The following PEAK1 variants were observed in gnomAD, a reference collection of about 807,000 sequenced individuals.
The protein encoded by PEAK1 is inactive tyrosine-protein kinase PEAK1.
PEAK1 carries 54 observed loss-of-function variants against 124.7 expected under a neutral mutation model. The ratio of observed to expected loss-of-function variants is 0.43; its 90% CI spans 0.35 to 0.54. The LOEUF is 0.54. Among genes scored for constraint, PEAK1 ranks in the 20% least tolerant of loss-of-function variants. The pLI is 0.01. For missense variants in PEAK1, 2,046 were observed against 2,134.5 expected (o/e 0.96, Z 0.82); for synonymous variants, 719 against 760.0 (o/e 0.95, Z 0.89).
chr15:77,350,989 T>C (rs751210289), intron 2 of PEAK1: 103 of 962,268 alleles, frequency 1.1e-4, no homozygotes, highest in Middle Eastern at 5.3e-4. Context: ...TTAAGCACTA[T>C]TGTGTACTAG....
chr15:77,106,415 G>A (rs2050752562), downstream of PEAK1: 1 of 152,160 alleles, frequency 6.6e-6, no homozygotes, highest in African/African-American at 2.4e-5. Flanking sequence ...CCAGGCTGCA[G>A]TGCAGTGGAG....
intron 1 of PEAK1, among the ~76,000 whole-genome samples, chr15:77,407,958 T>TATATACACATATATACACAC: frequency 1.2e-5 from 1 of 83,442 alleles, no homozygotes; most frequent in Non-Finnish European, 3.6e-5. Context: ...TATACACACA[T>TATATACACATATATACACAC]ATATACACAT....
chr15:77,217,200 G>A (rs1007596445), intron 6 of PEAK1, among the ~76,000 whole-genome samples: 1 of 144,544 alleles, frequency 6.9e-6, no homozygotes, highest in African/African-American at 2.6e-5. Flanking sequence ...TCCAGCCTGG[G>A]TGACCAAGAG....
chr15:77,222,852 A>G (rs1345689136), intron 6 of PEAK1, among the ~76,000 whole-genome samples: 1 of 152,068 alleles, frequency 6.6e-6, no homozygotes, highest in African/African-American at 2.4e-5. Context: ...GCGCAAACAG[A>G]TTTAATCTTA....
chr15:77,419,516 C>A (rs923386339), intron 1 of PEAK1: 2 of 985,138 alleles, frequency 2.0e-6, no homozygotes, highest in African/African-American at 3.5e-5. Context: ...TCCGTCCCGA[C>A]GCTGCCGGCG....
At chr15:77,418,336 TAA>T in intron 1 of PEAK1, 1 of 985,144 alleles carries the variant, frequency 1.0e-6, no homozygotes, top group South Asian at 4.7e-5. Flanking sequence ...TTAAAGAAAA[TAA>T]TTTGACATTT....
intron 2 of PEAK1, among the ~76,000 whole-genome samples, chr15:77,326,161 T>A (rs1298746114): frequency 5.3e-5 from 8 of 152,126 alleles, no homozygotes. Flanking sequence ...AACAATTAAC[T>A]TCCCCCTCCT....
chr15:77,419,447 C>T, intron 1 of PEAK1: 1 of 985,390 alleles, frequency 1.0e-6, no homozygotes, highest in Non-Finnish European at 1.2e-6. Flanking sequence ...CCCGCCAGCC[C>T]ACACGTTCGC....
chr15:77,225,559 T>C (rs1048785645), intron 6 of PEAK1, among the ~76,000 whole-genome samples: 4 of 149,828 alleles, frequency 2.7e-5, no homozygotes, highest in South Asian at 2.1e-4. Context: ...AGTTGTGACA[T>C]GAAATTTTCC....
At chr15:77,376,796 T>G (rs1241197916) in intron 1 of PEAK1, among the ~76,000 whole-genome samples, 1 of 152,212 alleles carries the variant, frequency 6.6e-6, no homozygotes, top group African/African-American at 2.4e-5. Context: ...AAAGAATTTT[T>G]TAAGGCTTTT....
chr15:77,164,154 A>T (rs938049829), intron 7 of PEAK1, among the ~76,000 whole-genome samples: 1 of 152,214 alleles, frequency 6.6e-6, no homozygotes, highest in African/African-American at 2.4e-5. Context: ...TTTAGTTTCC[A>T]GGTCATCAAC....
At chr15:77,354,995 C>A (rs1406255854) in intron 2 of PEAK1, among the ~76,000 whole-genome samples, 15 of 151,412 alleles carry the variant, frequency 9.9e-5, no homozygotes, top group Admixed American at 9.2e-4. Flanking sequence ...GCCAAGATAG[C>A]GCCACTGCAC....
intron 6 of PEAK1, among the ~76,000 whole-genome samples, chr15:77,197,435 A>G (rs1439364289): frequency 6.6e-6 from 1 of 152,224 alleles, no homozygotes. Flanking sequence ...AAATAGCAAG[A>G]ACATATTCAT....
intron 2 of PEAK1, chr15:77,337,235 G>C (rs1051988378): frequency 2.0e-6 from 2 of 983,914 alleles, no homozygotes; most frequent in Non-Finnish European, 2.4e-6. Flanking sequence ...AGATAATACA[G>C]ACATGAAAGC....
chr15:77,246,141 TG>T (rs956485151), intron 6 of PEAK1, among the ~76,000 whole-genome samples: 17 of 152,060 alleles, frequency 1.1e-4, no homozygotes, highest in African/African-American at 3.9e-4. Context: ...CTCGAGTAGC[TG>T]GGACTACAGG....
At chr15:77,334,233 G>T (rs1366512134) in intron 2 of PEAK1, 1 of 984,212 alleles carries the variant, frequency 1.0e-6, no homozygotes, top group East Asian at 1.1e-4. Context: ...CATAATTTTA[G>T]TTCAAATAGG....
chr15:77,289,935 T>C (rs2063128397), intron 2 of PEAK1, among the ~76,000 whole-genome samples: 1 of 152,144 alleles, frequency 6.6e-6, no homozygotes. Flanking sequence ...ACTAAGGTCA[T>C]CTACCAAAAA....
chr15:77,341,702 T>C (rs1475247333), intron 2 of PEAK1, among the ~76,000 whole-genome samples: 1 of 152,148 alleles, frequency 6.6e-6, no homozygotes, highest in Non-Finnish European at 1.5e-5. Context: ...CTTGAAGCAA[T>C]CTAGGGGTCC....
intron 1 of PEAK1, among the ~76,000 whole-genome samples, chr15:77,407,916 CATAT>C (rs1871475582): frequency 8.6e-6 from 1 of 115,934 alleles, no homozygotes; most frequent in African/African-American, 2.7e-5. Context: ...TATATATACA[CATAT>C]ATACATATAT....
Sources: allele counts gnomAD v4.1 joint callset (sites outside exome capture counted in the v4.1 genomes callset), GRCh38; gene constraint gnomAD v4.1.1; transcripts MANE v1.5; gene names NCBI Gene and HGNC (gene_info 2026-07-23, HGNC 2026-07-21).